Variants in SCFD2 observed in about 807,000 individuals in gnomAD.
SCFD2 encodes the protein sec1 family domain containing 2.
A neutral mutation model predicts 58.9 loss-of-function variants in SCFD2; 54 were observed. The ratio of observed to expected loss-of-function variants is 0.92; its 90% CI spans 0.74 to 1.15. The LOEUF (loss-of-function observed/expected upper bound fraction) is 1.15, where lower values mean the gene tolerates loss of function less well. SCFD2 is among the 50% of genes most tolerant of loss of function. The pLI, the probability that SCFD2 is intolerant of heterozygous loss-of-function variation, is 0.00. For missense variants in SCFD2, 805 were observed against 836.6 expected, an observed-to-expected ratio of 0.96 and a Z score of 0.47; for synonymous variants, 321 against 335.9, an observed-to-expected ratio of 0.96 and a Z score of 0.49.
At chr4:52,919,576 G>A (rs1417267432) in intron 6 of SCFD2, among the ~76,000 whole-genome samples, 1 of 152,198 alleles carries the variant, frequency 6.6e-6, no homozygotes, top group Admixed American at 6.5e-5. Flanking sequence ...ATCTCTATGA[G>A]AACCATATTA....
intron 4 of SCFD2, among the ~76,000 whole-genome samples, chr4:53,209,344 G>C (rs1441212957): frequency 6.6e-6 from 1 of 152,070 alleles, no homozygotes; most frequent in East Asian, 1.9e-4. Context: ...ACAGACTTTT[G>C]GTTAGTATTT....
At position 53,140,393 on chromosome 4, in the gene SCFD2, AT is replaced by A. The variant is rs1279137499; in HGVS notation, c.1561+4939del. Among the ~76,000 whole-genome samples the A allele has an allele frequency of 9.1e-3, 68 of 7,494 alleles. 5 individuals carry two copies. The highest frequency in any genetic ancestry group is 0.056 in the Middle Eastern group (1 of 18). The allele number at this position is 7,494 out of a possible 152,430, so 4.9% of individuals were successfully genotyped here. On this transcript the variant is annotated intron_variant, in intron 5 of 8. Transcript: ENST00000401642. ...AATAAAAAGAACACCAAAAATGCTA[AT>A]ATATATATATATATATATAAATTTT...
At chr4:53,085,168 A>G (rs1724268693) in intron 5 of SCFD2, among the ~76,000 whole-genome samples, 1 of 152,226 alleles carries the variant, frequency 6.6e-6, no homozygotes, top group Non-Finnish European at 1.5e-5. Context: ...ATTAGGACTG[A>G]TAAACAAATT....
At chr4:52,955,682 C>T (rs301092) in intron 5 of SCFD2, among the ~76,000 whole-genome samples, 38,837 of 152,146 alleles carry the variant, frequency 0.26, 5,124 homozygotes, top group South Asian at 0.4. Flanking sequence ...TGTGTTAACA[C>T]AACCTGATAG....
intron 5 of SCFD2, among the ~76,000 whole-genome samples, chr4:53,039,050 C>T (rs148544795): frequency 2.6e-5 from 4 of 152,226 alleles, no homozygotes; most frequent in African/African-American, 9.6e-5. Flanking sequence ...CTGAGCTTTC[C>T]ATCTACCAGC....
At chr4:53,255,326 G>C (rs573177700) in intron 4 of SCFD2, among the ~76,000 whole-genome samples, 3 of 152,038 alleles carry the variant, frequency 2.0e-5, no homozygotes, top group East Asian at 3.9e-4. Context: ...AGTGAACAAC[G>C]GTCTCTGGTT....
At chr4:52,930,539 C>G (rs559324971) in intron 5 of SCFD2, among the ~76,000 whole-genome samples, 3 of 152,018 alleles carry the variant, frequency 2.0e-5, no homozygotes, top group Admixed American at 1.3e-4. Context: ...GAAAAATAGA[C>G]GATCCTAGAT....
intron 3 of SCFD2, among the ~76,000 whole-genome samples, chr4:53,305,249 T>C (rs1014053241): frequency 6.6e-6 from 1 of 152,208 alleles, no homozygotes; most frequent in African/African-American, 2.4e-5. Flanking sequence ...CTTTTCCCTA[T>C]GTTCTCTTCT....
intron 4 of SCFD2, among the ~76,000 whole-genome samples, chr4:53,178,329 T>C (rs79136562): frequency 0.046 from 6,985 of 152,204 alleles, 272 homozygotes; most frequent in East Asian, 0.15. Flanking sequence ...GGCAGCAACA[T>C]CTGCGGTTCA....
rs142856647 is a variant in SCFD2, at chr4:53,102,111, G to A, written c.1561+43222C>T. ...AAGTCCAGCAAAAGACCTGACCACA[G>A]GTGGAAATTATTCTAGTATATGATA... On this transcript the variant is annotated intron_variant, in intron 5 of 8. Coordinates refer to ENST00000401642, the MANE Select transcript of SCFD2 (RefSeq NM_152540.4). 1.2e-4 allele frequency among the ~76,000 whole-genome samples: 19 copies of A among 152,276 alleles called. 2 individuals carry two copies. Among genetic ancestry groups the A allele is most frequent in the African/African-American group, 4.6e-4 (19 of 41,566 alleles).
At chr4:53,328,577 A>G (rs1733296378) in intron 2 of SCFD2, among the ~76,000 whole-genome samples, 1 of 152,250 alleles carries the variant, frequency 6.6e-6, no homozygotes, top group Admixed American at 6.5e-5. Flanking sequence ...GCTAATATAC[A>G]CATAAAAAAT....
intron 5 of SCFD2, among the ~76,000 whole-genome samples, chr4:53,096,926 T>C (rs1724655663): frequency 6.6e-6 from 1 of 152,246 alleles, no homozygotes; most frequent in Admixed American, 6.5e-5. Flanking sequence ...TTCAGCTTTC[T>C]ACATATGGCT....
intron 5 of SCFD2, among the ~76,000 whole-genome samples, chr4:53,049,251 C>T (rs1009257198): frequency 6.6e-6 from 1 of 152,130 alleles, no homozygotes; most frequent in Non-Finnish European, 1.5e-5. Flanking sequence ...CCCAGCCTTG[C>T]CATTAGAAGT....
intron 4 of SCFD2, among the ~76,000 whole-genome samples, chr4:53,180,653 G>C (rs546007144): frequency 6.6e-6 from 1 of 152,262 alleles, no homozygotes; most frequent in Non-Finnish European, 1.5e-5. Context: ...ACTAAGATCA[G>C]AGTAGAACTG....
At chr4:52,893,629 C>T (rs1718930706) in intron 7 of SCFD2, among the ~76,000 whole-genome samples, 1 of 152,242 alleles carries the variant, frequency 6.6e-6, no homozygotes, top group Non-Finnish European at 1.5e-5. Context: ...TGTCCTTCAG[C>T]CACAGTTGAT....
chr4:53,300,305 T>C (rs1431055730), intron 3 of SCFD2, among the ~76,000 whole-genome samples: 1 of 151,984 alleles, frequency 6.6e-6, no homozygotes, highest in Non-Finnish European at 1.5e-5. Context: ...AATCCTAGTC[T>C]CGGATAAAAC....
At chr4:53,128,153 T>C (rs551404521) in intron 5 of SCFD2, among the ~76,000 whole-genome samples, 2 of 151,564 alleles carry the variant, frequency 1.3e-5, no homozygotes, top group East Asian at 1.9e-4. Context: ...TAGACATAAA[T>C]TGGCTCAAGA....
At chr4:53,331,008 C>T (rs1278805375) in intron 2 of SCFD2, among the ~76,000 whole-genome samples, 37 of 151,408 alleles carry the variant, frequency 2.4e-4, no homozygotes, top group African/African-American at 7.5e-4. Flanking sequence ...AAGGCCATTA[C>T]ATAATGGTAA....
At chr4:53,126,708 A>C (rs963161999) in intron 5 of SCFD2, among the ~76,000 whole-genome samples, 1 of 152,102 alleles carries the variant, frequency 6.6e-6, no homozygotes, top group Non-Finnish European at 1.5e-5. Context: ...GGGACAAATA[A>C]TTTGCCCACT....
Sources: gnomAD v4.1 joint callset for allele counts (sites outside exome capture counted in the v4.1 genomes callset) on GRCh38, gnomAD v4.1.1 for gene constraint, MANE v1.5 for transcripts, NCBI Gene and HGNC (gene_info 2026-07-23, HGNC 2026-07-21) for gene names.